The following GRM8 variants were observed in gnomAD, a reference collection of about 807,000 sequenced individuals.
The protein encoded by GRM8 is glutamate metabotropic receptor 8.
Under a neutral mutation model 87.2 loss-of-function variants are expected in GRM8, and 47 were observed. The observed-to-expected ratio is 0.54, with a 90% confidence interval of 0.43 to 0.69. GRM8 has a LOEUF of 0.69. Ranked by LOEUF, GRM8 falls within the 30% of genes least tolerant of loss-of-function variation. GRM8 has a pLI of 0.00. For missense variants in GRM8, 1,019 were observed against 1,139.2 expected, an observed-to-expected ratio of 0.89 and a Z score of 1.52; for synonymous variants, 396 against 404.5, an observed-to-expected ratio of 0.98 and a Z score of 0.25.
intron 2 of GRM8, among the ~76,000 whole-genome samples, chr7:127,225,801 G>A (rs1797285732): frequency 6.6e-6 from 1 of 151,550 alleles, no homozygotes; most frequent in South Asian, 2.1e-4. Flanking sequence ...TTAGGGACAG[G>A]AGTCCTGAAT....
intron 3 of GRM8, among the ~76,000 whole-genome samples, chr7:127,043,059 A>C (rs911898802): frequency 6.6e-6 from 1 of 152,206 alleles, no homozygotes; most frequent in African/African-American, 2.4e-5. Flanking sequence ...TCAAAACCAC[A>C]ATGAGATACC....
intron 7 of GRM8, among the ~76,000 whole-genome samples, chr7:126,736,898 A>G (rs554915178): frequency 6.6e-6 from 1 of 152,148 alleles, no homozygotes; most frequent in East Asian, 1.9e-4. Flanking sequence ...TGAAACCACC[A>G]TTGCAAAATT....
Position 126,439,066 on chromosome 7 carries a change from T to G in GRM8, c.*53A>C. 1 of 1,087,406 alleles carries G rather than the reference T, an allele frequency of 9.2e-7. No individual in the cohort carries two copies. Among genetic ancestry groups the G allele is most frequent in the South Asian group, 1.2e-5 (1 of 80,528 alleles). The allele number at this position is 1,087,406 out of a possible 1,614,324, so 67.4% of individuals were successfully genotyped here. A position where few individuals can be genotyped will look rare whatever the true frequency, so the allele number is the denominator to read the frequency against. On this transcript the variant is annotated 3_prime_UTR_variant, in exon 11 of 11. Transcript: ENST00000339582. ...GGAGTGAATTTTTGCGGTCTCATGT[T>G]CATCATTTAAGATCATATACCACAT...
intron 7 of GRM8, among the ~76,000 whole-genome samples, chr7:126,758,751 G>T (rs781159480): frequency 3.8e-4 from 58 of 152,004 alleles, no homozygotes; most frequent in Non-Finnish European, 7.2e-4. Context: ...TAGAGACAAG[G>T]TGTTTATATG....
At chr7:127,076,652 G>A (rs1489929089) in intron 3 of GRM8, among the ~76,000 whole-genome samples, 2 of 152,132 alleles carry the variant, frequency 1.3e-5, no homozygotes, top group Non-Finnish European at 2.9e-5. Flanking sequence ...GACCTGGTAG[G>A]GACCGCCCAG....
intron 9 of GRM8, among the ~76,000 whole-genome samples, chr7:126,480,770 A>G (rs1214273082): frequency 6.6e-6 from 1 of 152,072 alleles, no homozygotes; most frequent in African/African-American, 2.4e-5. Flanking sequence ...GACTGTGCCC[A>G]TGGTTTAGTG....
chr7:126,640,190 C>G (rs572958845), intron 7 of GRM8, among the ~76,000 whole-genome samples: 1 of 152,268 alleles, frequency 6.6e-6, no homozygotes, highest in East Asian at 1.9e-4. Context: ...TATAACATAT[C>G]AATATAATTA....
chr7:126,786,728 A>G (rs1820661706), intron 6 of GRM8, among the ~76,000 whole-genome samples: 1 of 152,138 alleles, frequency 6.6e-6, no homozygotes, highest in African/African-American at 2.4e-5. Context: ...TCTACTCTAT[A>G]TTCTTATACT....
At chr7:127,052,428 G>T (rs1819584730) in intron 3 of GRM8, among the ~76,000 whole-genome samples, 1 of 152,176 alleles carries the variant, frequency 6.6e-6, no homozygotes, top group Non-Finnish European at 1.5e-5. Context: ...CAAATGGGCT[G>T]GGGACTAATA....
chr7:127,058,241 A>T, intron 3 of GRM8: 1 of 440,776 alleles, frequency 2.3e-6, no homozygotes, highest in Non-Finnish European at 4.6e-6. Context: ...AGGGCAAGAG[A>T]GCTTTAAAGT....
chr7:126,725,335 G>T (rs546057076), intron 7 of GRM8, among the ~76,000 whole-genome samples: 3 of 152,256 alleles, frequency 2.0e-5, no homozygotes, highest in African/African-American at 7.2e-5. Context: ...GCCCCAGATT[G>T]TGATGCTCAA....
chr7:126,571,402 T>C (rs1211233316), intron 8 of GRM8, among the ~76,000 whole-genome samples: 1 of 152,002 alleles, frequency 6.6e-6, no homozygotes, highest in Non-Finnish European at 1.5e-5. Flanking sequence ...GTACTGAAAA[T>C]AAAGAGTCTA....
chr7:126,595,660 C>A (rs118055547), intron 8 of GRM8, among the ~76,000 whole-genome samples: 2,174 of 151,986 alleles, frequency 0.014, 27 homozygotes, highest in Non-Finnish European at 0.019. Flanking sequence ...TAATAGGGTA[C>A]CCATGTTTCT....
At chr7:127,073,479 C>T (rs1489391579) in intron 3 of GRM8, among the ~76,000 whole-genome samples, 1 of 152,128 alleles carries the variant, frequency 6.6e-6, no homozygotes, top group Non-Finnish European at 1.5e-5. Context: ...CTTACTCTTT[C>T]AGGAAAATGA....
intron 3 of GRM8, among the ~76,000 whole-genome samples, chr7:127,093,218 A>G (rs2091961692): frequency 6.6e-6 from 1 of 152,238 alleles, no homozygotes; most frequent in African/African-American, 2.4e-5. Flanking sequence ...AAGGACATGA[A>G]AAATGCAAAG....
At chr7:127,039,281 A>C (rs963917918) in intron 3 of GRM8, among the ~76,000 whole-genome samples, 6 of 152,146 alleles carry the variant, frequency 3.9e-5, no homozygotes, top group Non-Finnish European at 8.8e-5. Context: ...CCAGTCCAAT[A>C]GGACTGGTGT....
intron 3 of GRM8, among the ~76,000 whole-genome samples, chr7:126,994,902 T>C (rs1813030061): frequency 2.6e-5 from 4 of 152,110 alleles, no homozygotes; most frequent in Admixed American, 2.6e-4. Flanking sequence ...AGAATATAGG[T>C]CGTAGTCAGG....
At chr7:126,674,765 G>C (rs947869263) in intron 7 of GRM8, among the ~76,000 whole-genome samples, 5 of 152,110 alleles carry the variant, frequency 3.3e-5, no homozygotes, top group Admixed American at 2.6e-4. Context: ...ATCAATGTTA[G>C]CTGGCAATCA....
intron 6 of GRM8, among the ~76,000 whole-genome samples, chr7:126,780,749 T>C (rs1296134735): frequency 4.6e-5 from 7 of 152,130 alleles, no homozygotes; most frequent in Non-Finnish European, 8.8e-5. Context: ...GGCCAGATTA[T>C]GGAACAATGC....
Sources: allele counts gnomAD v4.1 joint callset (sites outside exome capture counted in the v4.1 genomes callset), GRCh38; gene constraint gnomAD v4.1.1; transcripts MANE v1.5; gene names NCBI Gene and HGNC (gene_info 2026-07-23, HGNC 2026-07-21).